The following LRRC7 variants were observed in gnomAD, a reference collection of about 807,000 sequenced individuals.
LRRC7 encodes leucine rich repeat containing 7, also known as leucine-rich repeat-containing protein 7.
Under a neutral mutation model 175.7 loss-of-function variants are expected in LRRC7, and 23 were observed. The ratio of observed to expected loss-of-function variants is 0.13; its 90% confidence interval spans 0.09 to 0.19. The LOEUF is 0.19. LRRC7 is among the 10% of genes least tolerant of loss of function. The pLI is 1.00. For missense variants in LRRC7, 1,354 were observed against 1,904.7 expected (o/e 0.71, Z 5.38); for synonymous variants, 685 against 680.9 (o/e 1.01, Z -0.09).
At chr1:69,754,787 G>C (rs2100912197) in intron 2 of LRRC7, among the ~76,000 whole-genome samples, 1 of 152,072 alleles carries the variant, frequency 6.6e-6, no homozygotes, top group South Asian at 2.1e-4. Context: ...TGTAAGTTGT[G>C]AGATGCCTAT....
chr1:69,843,057 G>A (rs1681909108), intron 7 of LRRC7, among the ~76,000 whole-genome samples: 1 of 151,978 alleles, frequency 6.6e-6, no homozygotes, highest in Non-Finnish European at 1.5e-5. Flanking sequence ...AAAGTAGCTA[G>A]GCATGGTGGC....
chr1:69,958,814 G>A (rs1650757890), intron 8 of LRRC7, among the ~76,000 whole-genome samples: 1 of 152,028 alleles, frequency 6.6e-6, no homozygotes, highest in African/African-American at 2.4e-5. Context: ...CATTTTGTCA[G>A]AGGAAGTATG....
intron 2 of LRRC7, among the ~76,000 whole-genome samples, chr1:69,692,293 C>G (rs1202425866): frequency 6.6e-6 from 1 of 152,212 alleles, no homozygotes; most frequent in Non-Finnish European, 1.5e-5. Flanking sequence ...TAAATCACCT[C>G]ACTTCCTAAC....
chr1:69,590,140 G>T (rs184454674), intron 1 of LRRC7, among the ~76,000 whole-genome samples: 1 of 152,028 alleles, frequency 6.6e-6, no homozygotes, highest in African/African-American at 2.4e-5. Flanking sequence ...ATAATCATCT[G>T]CAATTTGAAG....
chr1:69,606,566 T>C (rs1647617966), intron 1 of LRRC7, among the ~76,000 whole-genome samples: 1 of 152,140 alleles, frequency 6.6e-6, no homozygotes, highest in East Asian at 1.9e-4. Flanking sequence ...ACAAATAGTT[T>C]TAAATTAGTA....
intron 26 of LRRC7, among the ~76,000 whole-genome samples, chr1:70,119,721 A>C (rs1384709527): frequency 6.6e-6 from 1 of 152,112 alleles, no homozygotes; most frequent in African/African-American, 2.4e-5. Context: ...CATGGCCTCC[A>C]AATCCTAGAA....
intron 2 of LRRC7, among the ~76,000 whole-genome samples, chr1:69,710,891 T>G (rs937599389): frequency 6.6e-6 from 1 of 152,212 alleles, no homozygotes; most frequent in African/African-American, 2.4e-5. Flanking sequence ...AGTCTCAGTT[T>G]GGAACTCTCT....
At chr1:69,848,625 A>G (rs1682630324) in intron 7 of LRRC7, among the ~76,000 whole-genome samples, 1 of 152,076 alleles carries the variant, frequency 6.6e-6, no homozygotes, top group Non-Finnish European at 1.5e-5. Context: ...CTAACTCTCC[A>G]TAGATTTTCT....
chr1:70,000,385 A>G (rs1655412224), intron 11 of LRRC7, among the ~76,000 whole-genome samples: 1 of 152,244 alleles, frequency 6.6e-6, no homozygotes, highest in South Asian at 2.1e-4. Context: ...GCCTAAAAAC[A>G]ATAGGCTATA....
At chr1:69,669,492 G>C (rs771302772) in intron 1 of LRRC7, among the ~76,000 whole-genome samples, 1 of 152,106 alleles carries the variant, frequency 6.6e-6, no homozygotes, top group Non-Finnish European at 1.5e-5. Flanking sequence ...GATGCTTTTA[G>C]GACCTTTTCT....
chr1:69,999,643 G>A (rs1655332953), intron 11 of LRRC7, among the ~76,000 whole-genome samples: 2 of 152,198 alleles, frequency 1.3e-5, no homozygotes, highest in Middle Eastern at 3.4e-3. Flanking sequence ...AAAATTAATA[G>A]GTACTAATAG....
At chr1:69,826,498 A>G (rs1490014990) in intron 5 of LRRC7, among the ~76,000 whole-genome samples, 1 of 152,160 alleles carries the variant, frequency 6.6e-6, no homozygotes, top group African/African-American at 2.4e-5. Flanking sequence ...AGGAAGCAAT[A>G]AAATAAATTG....
chr1:69,611,470 C>G (rs751355529), intron 1 of LRRC7, among the ~76,000 whole-genome samples: 2 of 151,980 alleles, frequency 1.3e-5, no homozygotes, highest in Non-Finnish European at 2.9e-5. Flanking sequence ...AGTCATTGCT[C>G]TTAGAGGAAA....
intron 26 of LRRC7, among the ~76,000 whole-genome samples, chr1:70,108,098 A>T (rs1665266170): frequency 6.7e-6 from 1 of 149,258 alleles, no homozygotes; most frequent in Non-Finnish European, 1.5e-5. Context: ...TATAAGAAAT[A>T]TATATATTAT....
At chr1:69,995,398 T>C (rs1197026259) in intron 11 of LRRC7, among the ~76,000 whole-genome samples, 2 of 152,084 alleles carry the variant, frequency 1.3e-5, no homozygotes, top group Non-Finnish European at 2.9e-5. Context: ...TAAATTCTTT[T>C]TTTTTTAATT....
chr1:69,667,768 A>G (rs1214768295), intron 1 of LRRC7, among the ~76,000 whole-genome samples: 1 of 152,132 alleles, frequency 6.6e-6, no homozygotes, highest in Non-Finnish European at 1.5e-5. Flanking sequence ...GTCACTCCAC[A>G]ACTTTTGATT....
chr1:69,843,239 T>G (rs1223877578), intron 7 of LRRC7, among the ~76,000 whole-genome samples: 2 of 151,558 alleles, frequency 1.3e-5, no homozygotes, highest in Non-Finnish European at 2.9e-5. Context: ...GTATAGAGCA[T>G]CAAAAAGAGG....
chr1:69,793,322 G>A (rs992346122), intron 4 of LRRC7, among the ~76,000 whole-genome samples: 1 of 152,102 alleles, frequency 6.6e-6, no homozygotes, highest in South Asian at 2.1e-4. Context: ...ACCAAAAGAA[G>A]CTAGATAAGA....
chr1:69,978,350 T>C (rs1653053168), intron 8 of LRRC7, among the ~76,000 whole-genome samples: 1 of 151,522 alleles, frequency 6.6e-6, no homozygotes, highest in African/African-American at 2.4e-5. Flanking sequence ...GAGCAACACA[T>C]GAGTGATGTT....
Sources: gnomAD v4.1 joint callset for allele counts (sites outside exome capture counted in the v4.1 genomes callset) on GRCh38, gnomAD v4.1.1 for gene constraint, MANE v1.5 for transcripts, NCBI Gene and HGNC (gene_info 2026-07-23, HGNC 2026-07-21) for gene names.